CFAP299: variants seen among roughly 807,000 people sequenced by gnomAD.
CFAP299 encodes cilia and flagella associated protein 299, also known as cilia- and flagella-associated protein 299.
CFAP299 carries 21 observed loss-of-function variants against 27.0 expected under a neutral mutation model. That is an observed-to-expected ratio of 0.78 (90% CI 0.55 to 1.12). CFAP299 has a LOEUF of 1.12. CFAP299 is among the 50% of genes most tolerant of loss of function. The pLI, the probability that CFAP299 is intolerant of heterozygous loss-of-function variation, is 0.00. For synonymous variants in CFAP299, 104 were observed against 98.1 expected (o/e 1.06, Z -0.36); for missense variants, 310 against 276.6 (o/e 1.12, Z -0.86).
chr4:80,762,641 A>C (rs1237737416), intron 3 of CFAP299, among the ~76,000 whole-genome samples: 1 of 152,132 alleles, frequency 6.6e-6, no homozygotes, highest in Non-Finnish European at 1.5e-5. Context: ...TGTAGGATTG[A>C]TATACTGCTA....
chr4:80,812,183 G>T (rs1435569402), intron 3 of CFAP299, among the ~76,000 whole-genome samples: 1 of 152,058 alleles, frequency 6.6e-6, no homozygotes, highest in South Asian at 2.1e-4. Flanking sequence ...AGGAGGATAG[G>T]TTGACCAATG....
intron 4 of CFAP299, among the ~76,000 whole-genome samples, chr4:80,927,243 T>C (rs1033680116): frequency 6.6e-6 from 1 of 152,128 alleles, no homozygotes; most frequent in African/African-American, 2.4e-5. Context: ...CTGATTACAT[T>C]ATAATTATAA....
rs964582220 is a variant in CFAP299, at chr4:80,383,740, A to G, written c.242+20856A>G. On this transcript the variant is annotated intron_variant, in intron 2 of 5. Transcript: ENST00000358105. ...TCTAATTTATCAAAGTTTATCTTTC[A>G]TTATTATTTGTTAAGCAACTATATT... is the stretch of plus-strand genomic sequence containing the variant. Among the ~76,000 whole-genome samples the G allele has an allele frequency of 3.9e-5, 6 of 152,142 alleles. No homozygotes were observed. In the East Asian group the frequency reaches 7.7e-4, roughly 20 times the overall value.
intron 3 of CFAP299, among the ~76,000 whole-genome samples, chr4:80,641,764 A>G (rs538542709): frequency 2.0e-4 from 30 of 152,332 alleles, no homozygotes; most frequent in Non-Finnish European, 3.8e-4. Flanking sequence ...TTATTTGGCC[A>G]CAAAGTGGGG....
intron 3 of CFAP299, among the ~76,000 whole-genome samples, chr4:80,719,288 A>G (rs1429280918): frequency 1.3e-5 from 2 of 152,114 alleles, no homozygotes; most frequent in Admixed American, 6.6e-5. Context: ...CTGAACCTAA[A>G]ATAATATTTA....
intron 3 of CFAP299, among the ~76,000 whole-genome samples, chr4:80,700,540 G>A (rs1348264387): frequency 6.6e-6 from 1 of 152,046 alleles, no homozygotes; most frequent in African/African-American, 2.4e-5. Flanking sequence ...GTGTATCTAA[G>A]TAGCAGTATA....
chr4:80,478,790 T>A (rs1024556550), intron 2 of CFAP299, among the ~76,000 whole-genome samples: 1 of 151,878 alleles, frequency 6.6e-6, no homozygotes, highest in Non-Finnish European at 1.5e-5. Flanking sequence ...TGCTCTGTTT[T>A]TTTTTTTTTA....
At chr4:80,781,831 AT>A (rs1398512920) in intron 3 of CFAP299, among the ~76,000 whole-genome samples, 1 of 151,680 alleles carries the variant, frequency 6.6e-6, no homozygotes, top group Non-Finnish European at 1.5e-5. Flanking sequence ...CCACAATAGA[AT>A]AAAAAAAAAA....
chr4:80,533,418 C>T (rs924700387), intron 2 of CFAP299, among the ~76,000 whole-genome samples: 1 of 152,104 alleles, frequency 6.6e-6, no homozygotes, highest in African/African-American at 2.4e-5. Flanking sequence ...TGGAATGTTC[C>T]AATCTCTTCT....
intron 3 of CFAP299, among the ~76,000 whole-genome samples, chr4:80,810,919 A>G (rs577693000): frequency 9.9e-5 from 15 of 152,274 alleles, no homozygotes; most frequent in African/African-American, 3.6e-4. Context: ...TCAGCAAAAC[A>G]TGCCAGCTGC....
intron 2 of CFAP299, among the ~76,000 whole-genome samples, chr4:80,379,317 A>C (rs1724579298): frequency 6.6e-6 from 1 of 151,870 alleles, no homozygotes; most frequent in African/African-American, 2.4e-5. Flanking sequence ...TTTTTAATCT[A>C]TCAGTTTTAA....
chr4:80,576,778 G>C (rs541295596), intron 2 of CFAP299, among the ~76,000 whole-genome samples: 3 of 152,080 alleles, frequency 2.0e-5, no homozygotes, highest in African/African-American at 7.2e-5. Context: ...GCACAGAGAG[G>C]TTGCATTATA....
At chr4:80,867,596 T>G (rs949053262) in intron 3 of CFAP299, among the ~76,000 whole-genome samples, 7 of 152,216 alleles carry the variant, frequency 4.6e-5, no homozygotes, top group Non-Finnish European at 1.0e-4. Flanking sequence ...TTTGGTTTCT[T>G]AGGAGGGCTG....
At chr4:80,700,688 A>T (rs1220168793) in intron 3 of CFAP299, among the ~76,000 whole-genome samples, 1 of 152,044 alleles carries the variant, frequency 6.6e-6, no homozygotes, top group Non-Finnish European at 1.5e-5. Context: ...TGGGGATAGG[A>T]TGTTTAGCCT....
chr4:80,592,516 A>G (rs1736838458), intron 3 of CFAP299, among the ~76,000 whole-genome samples: 1 of 152,216 alleles, frequency 6.6e-6, no homozygotes, highest in Admixed American at 6.5e-5. Context: ...GATAAATTAA[A>G]TGGCTATTCT....
chr4:80,794,966 C>A (rs531953919), intron 3 of CFAP299, among the ~76,000 whole-genome samples: 1 of 152,258 alleles, frequency 6.6e-6, no homozygotes, highest in South Asian at 2.1e-4. Context: ...AGTGGAAGCC[C>A]ATGTTGCTGA....
intron 4 of CFAP299, among the ~76,000 whole-genome samples, chr4:80,934,199 T>G (rs1160086830): frequency 6.6e-6 from 1 of 152,176 alleles, no homozygotes; most frequent in Non-Finnish European, 1.5e-5. Context: ...ATTTTCATCA[T>G]ATGGTGATAT....
In CFAP299 at chr4:80,533,874, C is replaced by G. The variant is rs942369054; in HGVS notation, c.243-49219C>G. On this transcript the variant is annotated intron_variant, in intron 2 of 5. Coordinates refer to ENST00000358105, the MANE Select transcript of CFAP299 (RefSeq NM_152770.3). ...AGTAGTGTTGTAAAAAAAACTGTTT[C>G]ATGGGTATATGATCTGGATCTCTTA... Among the ~76,000 whole-genome samples, 3 of 152,026 alleles carry G rather than the reference C, an allele frequency of 2.0e-5. No individual in the cohort carries two copies. In the South Asian group the frequency reaches 6.2e-4, roughly 31 times the overall value.
In CFAP299 at chr4:80,821,590, G is replaced by A. The variant is rs188597230; in HGVS notation, c.334-48403G>A. Among the ~76,000 whole-genome samples, 670 of 152,248 alleles carry A rather than the reference G, an allele frequency of 4.4e-3. 10 individuals are homozygous for A. The highest frequency in any genetic ancestry group is 0.041 in the Admixed American group (632 of 15,270). On this transcript the variant is annotated intron_variant, in intron 3 of 5. Coordinates refer to ENST00000358105, the MANE Select transcript of CFAP299 (RefSeq NM_152770.3). ...CCTCTCCATGTGAAGTCTTGTCCAA[G>A]TCAAACAAGTAGCAATTTTAAAGTA...
Sources: allele counts gnomAD v4.1 joint callset (sites outside exome capture counted in the v4.1 genomes callset), GRCh38; gene constraint gnomAD v4.1.1; transcripts MANE v1.5; gene names NCBI Gene and HGNC (gene_info 2026-07-23, HGNC 2026-07-21).